TBC1D5: variants seen among roughly 807,000 people sequenced by gnomAD.
The protein encoded by TBC1D5 is TBC1 domain family, member 5.
TBC1D5 carries 75 observed loss-of-function variants against 100.3 expected under a neutral mutation model. The observed-to-expected ratio is 0.75, with a 90% CI of 0.62 to 0.91. The LOEUF is 0.91. Ranked by LOEUF, TBC1D5 falls within the 40% of genes least tolerant of loss-of-function variation. The pLI, the probability that TBC1D5 is intolerant of heterozygous loss-of-function variation, is 0.00. For missense variants in TBC1D5, 910 were observed against 942.4 expected, an observed-to-expected ratio of 0.97 and a Z score of 0.45; for synonymous variants, 323 against 325.6, an observed-to-expected ratio of 0.99 and a Z score of 0.09.
chr3:17,166,003 G>C (rs922993523), intron 21 of TBC1D5, among the ~76,000 whole-genome samples: 1 of 152,094 alleles, frequency 6.6e-6, no homozygotes, highest in Non-Finnish European at 1.5e-5. Context: ...GGAAGCTGTA[G>C]GAAGATCCTT....
chr3:17,368,429 C>T (rs1365780796), intron 13 of TBC1D5, among the ~76,000 whole-genome samples: 2 of 151,960 alleles, frequency 1.3e-5, no homozygotes, highest in Non-Finnish European at 2.9e-5. Context: ...AATTTAGTGA[C>T]AAATATAACC....
At position 17,437,732 on chromosome 3, in the gene TBC1D5, A is replaced by G. The variant is rs756601711; in HGVS notation, c.98-9213T>C. Among the ~76,000 whole-genome samples the G allele has an allele frequency of 4.1e-4, 63 of 151,842 alleles. 1 individual carries two copies. The highest frequency in any genetic ancestry group is 3.7e-4 in the Non-Finnish European group (25 of 67,916). On this transcript the variant is annotated intron_variant, in intron 3 of 21. Coordinates refer to ENST00000253692, the Ensembl canonical transcript of TBC1D5. ...GCGGGGGAAGTGAAGGCAGAGAGAG[A>G]AAAGAGATTGAGATATTTGTGGGTG...
At chr3:17,197,744 C>G (rs1575887868) in intron 18 of TBC1D5, among the ~76,000 whole-genome samples, 1 of 152,144 alleles carries the variant, frequency 6.6e-6, no homozygotes, top group Non-Finnish European at 1.5e-5. Flanking sequence ...TCAGAACTGA[C>G]AATTCCGCTG....
At chr3:17,609,491 C>T (rs1395602748) in intron 2 of TBC1D5, among the ~76,000 whole-genome samples, 1 of 152,104 alleles carries the variant, frequency 6.6e-6, no homozygotes, top group Non-Finnish European at 1.5e-5. Context: ...TTCCAACCAC[C>T]GACCTGACCT....
At chr3:17,517,506 A>G (rs1165636245) in intron 2 of TBC1D5, among the ~76,000 whole-genome samples, 1 of 152,252 alleles carries the variant, frequency 6.6e-6, no homozygotes, top group Non-Finnish European at 1.5e-5. Context: ...ATACAGGTCA[A>G]TGATGAGAAT....
At chr3:17,586,036 A>C (rs1348587994) in intron 2 of TBC1D5, among the ~76,000 whole-genome samples, 2 of 152,198 alleles carry the variant, frequency 1.3e-5, no homozygotes, top group African/African-American at 4.8e-5. Flanking sequence ...AAAATGCTAA[A>C]GTCTGCTGGT....
chr3:17,170,849 G>C (rs1222387789), intron 19 of TBC1D5, among the ~76,000 whole-genome samples: 3 of 152,190 alleles, frequency 2.0e-5, no homozygotes. Context: ...GAAACTAAGT[G>C]TGGGCATTTG....
intron 1 of TBC1D5, among the ~76,000 whole-genome samples, chr3:17,707,047 T>C (rs1265155751): frequency 6.6e-6 from 1 of 152,016 alleles, no homozygotes; most frequent in Admixed American, 6.5e-5. Context: ...ATAATTTCGG[T>C]AAATGTTTTT....
chr3:17,528,048 G>C (rs1191020504), intron 2 of TBC1D5, among the ~76,000 whole-genome samples: 1 of 140,206 alleles, frequency 7.1e-6, no homozygotes, highest in Non-Finnish European at 1.6e-5. Flanking sequence ...ACAGTATTAG[G>C]TTTTTTAGGG....
chr3:17,669,558 T>C (rs1287994889), intron 1 of TBC1D5, among the ~76,000 whole-genome samples: 1 of 152,138 alleles, frequency 6.6e-6, no homozygotes, highest in African/African-American at 2.4e-5. Context: ...AGAAAAAAAC[T>C]AAATCACTAT....
At chr3:17,661,650 G>A (rs945823253) in intron 1 of TBC1D5, among the ~76,000 whole-genome samples, 1 of 151,910 alleles carries the variant, frequency 6.6e-6, no homozygotes. Flanking sequence ...ACAGGCGCCT[G>A]CCACCTCGTT....
intron 3 of TBC1D5, among the ~76,000 whole-genome samples, chr3:17,488,885 T>G (rs981217636): frequency 6.6e-6 from 1 of 150,704 alleles, no homozygotes; most frequent in East Asian, 1.9e-4. Context: ...GGCATTAGAT[T>G]CTCATAGAAG....
intron 17 of TBC1D5, among the ~76,000 whole-genome samples, chr3:17,230,785 C>A (rs887965068): frequency 1.3e-5 from 2 of 152,052 alleles, no homozygotes; most frequent in African/African-American, 4.8e-5. Flanking sequence ...CTAGTCATCT[C>A]TCAGTATCCA....
chr3:17,553,039 T>C (rs2096486908), intron 2 of TBC1D5, among the ~76,000 whole-genome samples: 1 of 151,988 alleles, frequency 6.6e-6, no homozygotes, highest in Admixed American at 6.6e-5. Context: ...CAGTAAAAAA[T>C]ACAAAATTGA....
chr3:17,732,207 ACC>A (rs2076619043), intron 1 of TBC1D5, among the ~76,000 whole-genome samples: 1 of 152,066 alleles, frequency 6.6e-6, no homozygotes, highest in African/African-American at 2.4e-5. Flanking sequence ...AATCCCAGCT[ACC>A]CAGGAGGCTG....
intron 2 of TBC1D5, among the ~76,000 whole-genome samples, chr3:17,544,111 G>A (rs556504008): frequency 4.5e-4 from 69 of 152,026 alleles, no homozygotes; most frequent in Admixed American, 1.6e-3. Flanking sequence ...CTCCTGATCC[G>A]CCTACCTCAG....
chr3:17,404,356 C>G (rs17043568), intron 7 of TBC1D5, among the ~76,000 whole-genome samples: 1 of 151,808 alleles, frequency 6.6e-6, no homozygotes, highest in Non-Finnish European at 1.5e-5. Context: ...TTTATTTTCA[C>G]GACGAAGGGA....
At chr3:17,638,553 T>G (rs2064194804) in intron 1 of TBC1D5, among the ~76,000 whole-genome samples, 1 of 152,142 alleles carries the variant, frequency 6.6e-6, no homozygotes, top group South Asian at 2.1e-4. Context: ...TAATTCAGAC[T>G]GTCTCAGCAG....
chr3:17,517,975 T>C (rs1001426089), intron 2 of TBC1D5, among the ~76,000 whole-genome samples: 4 of 152,166 alleles, frequency 2.6e-5, no homozygotes, highest in Non-Finnish European at 5.9e-5. Flanking sequence ...AAAGCTGCAG[T>C]GTACTATGGT....
Sources: gnomAD v4.1 joint callset for allele counts (sites outside exome capture counted in the v4.1 genomes callset) on GRCh38, gnomAD v4.1.1 for gene constraint, MANE v1.5 for transcripts, NCBI Gene and HGNC (gene_info 2026-07-23, HGNC 2026-07-21) for gene names.